Variants in ZNF608 observed in about 807,000 individuals in gnomAD.
The protein encoded by ZNF608 is zinc finger protein 608.
Under a neutral mutation model 109.0 loss-of-function variants are expected in ZNF608, and 12 were observed. The observed-to-expected ratio is 0.11, with a 90% CI of 0.07 to 0.18. The LOEUF (loss-of-function observed/expected upper bound fraction) is 0.18, where lower values mean the gene tolerates loss of function less well. Ranked by LOEUF, ZNF608 falls within the 10% of genes least tolerant of loss-of-function variation. The pLI is 1.00. For missense variants in ZNF608, 1,707 were observed against 1,879.3 expected (o/e 0.91, Z 1.70); for synonymous variants, 732 against 717.4 (o/e 1.02, Z -0.33).
intron 3 of ZNF608, among the ~76,000 whole-genome samples, chr5:124,676,650 A>C (rs1751957098): frequency 1.3e-5 from 2 of 152,252 alleles, no homozygotes; most frequent in Admixed American, 1.3e-4. Context: ...ACCAGGAGAA[A>C]GTGTGTGAAA....
chr5:124,708,988 A>G (rs112813776), intron 2 of ZNF608, among the ~76,000 whole-genome samples: 5,480 of 152,132 alleles, frequency 0.036, 257 homozygotes, highest in African/African-American at 0.11. Flanking sequence ...CCTGACCAAC[A>G]TGGAAAAACC....
At chr5:124,685,011 A>T (rs1220922584) in intron 3 of ZNF608, among the ~76,000 whole-genome samples, 1 of 152,244 alleles carries the variant, frequency 6.6e-6, no homozygotes, top group Non-Finnish European at 1.5e-5. Flanking sequence ...TTATACAATC[A>T]TGCCCTTTCA....
chr5:124,637,704 C>CGT lies in ZNF608; in HGVS notation c.*194_*195dup. The CGT allele has an allele frequency of 5.6e-6, 2 of 354,564 alleles. No individual in the cohort carries two copies. Among genetic ancestry groups the CGT allele is most frequent in the South Asian group, 3.6e-5 (1 of 27,420 alleles). The allele number at this position is 354,564 out of a possible 1,614,324, so 22.0% of individuals were successfully genotyped here. ...ATATGTATATATACAGATATGTATA[C>CGT]GTATATATATATAAAACAGAAGTTT... On this transcript the variant is annotated 3_prime_UTR_variant, in exon 10 of 10. Transcript: ENST00000513986.
At chr5:124,642,960 G>A (rs1052137423) in intron 7 of ZNF608, among the ~76,000 whole-genome samples, 3 of 152,122 alleles carry the variant, frequency 2.0e-5, no homozygotes, top group African/African-American at 4.8e-5. Context: ...GCCTCCCAAA[G>A]TGCTGGGATT....
At chr5:124,667,417 C>T (rs760561712) in intron 3 of ZNF608, among the ~76,000 whole-genome samples, 2 of 152,050 alleles carry the variant, frequency 1.3e-5, no homozygotes, top group Admixed American at 6.6e-5. Context: ...CTGTGCAAGT[C>T]CTGCACTGCA....
At chr5:124,715,313 G>A (rs1447441438) in intron 2 of ZNF608, among the ~76,000 whole-genome samples, 2 of 152,072 alleles carry the variant, frequency 1.3e-5, no homozygotes, top group Non-Finnish European at 2.9e-5. Context: ...TAGCAGGGGT[G>A]GTAAACAGGA....
At position 124,744,976 on chromosome 5, in the gene ZNF608, A is replaced by G. The variant is rs754457530; in HGVS notation, c.14T>C (p.Ile5Thr). Residue 5 changes from isoleucine (I) to threonine (T), a missense_variant, in exon 2 of 10, where the codon ATT becomes ACT. Physicochemically the swap from Ile to Thr is moderately conservative, Grantham distance 89 (BLOSUM62 -1). Coordinates refer to ENST00000513986, the MANE Select transcript of ZNF608 (RefSeq NM_020747.3). This position sits in a 1 kb window ranked among gnomAD's most constrained non-coding sequence, Gnocchi z 4.5. Reference sequence around the variant, plus strand: ...ATCCACACCTTTTCCTGCAGTAGAAATGTTCACTGACATCCTGAAGATGAG... The same window carrying G: ...ATCCACACCTTTTCCTGCAGTAGAAGTGTTCACTGACATCCTGAAGATGAG... MSVN[I>T]STAGKGVDPN... is the part of the protein sequence containing the mutation. 4 of 1,609,280 alleles carry G rather than the reference A, an allele frequency of 2.5e-6. No individual in the cohort carries two copies. The highest frequency in any genetic ancestry group is 3.4e-6 in the Non-Finnish European group (4 of 1,177,386).
chr5:124,727,810 G>C (rs1165294896), intron 2 of ZNF608, among the ~76,000 whole-genome samples: 1 of 147,570 alleles, frequency 6.8e-6, no homozygotes, highest in Non-Finnish European at 1.5e-5. Flanking sequence ...CATGACCTCG[G>C]CTCACCACAA....
rs1750123339 is a variant in ZNF608 at position 124,639,223 on chromosome 5, G to A, written c.4451-9C>T. On this transcript the variant is annotated splice_polypyrimidine_tract_variant and intron_variant, in intron 8 of 9. Coordinates refer to ENST00000513986, the MANE Select transcript of ZNF608 (RefSeq NM_020747.3). ...GGCAGCAGAGGTCAAGCCTAATGGGGAAAAAATGTAGAGTGTCTGTGATCT... is the reference window on the plus strand; with the variant it reads ...GGCAGCAGAGGTCAAGCCTAATGGGAAAAAAATGTAGAGTGTCTGTGATCT... The A allele has an allele frequency of 1.2e-6, 2 of 1,613,632 alleles. No homozygotes were observed.
intron 2 of ZNF608, among the ~76,000 whole-genome samples, chr5:124,714,551 C>T (rs1753620375): frequency 6.6e-6 from 1 of 152,192 alleles, no homozygotes; most frequent in East Asian, 1.9e-4. Flanking sequence ...CTAGTATAAT[C>T]TTGAAAATTT....
Position 124,648,850 on chromosome 5 carries a change from A to G in ZNF608, c.1534T>C (p.Ser512Pro). The G allele has an allele frequency of 1.9e-6, 3 of 1,614,002 alleles. No homozygotes were observed. The highest frequency in any genetic ancestry group is 1.1e-5 in the South Asian group (1 of 91,082). ...CCAGGCTTATTGTCCTCAGAGCTGG[A>G]GTTCAGGTCCAGCTCCATTGGAGGC... ...NKPPMELDLN[S>P]SSEDNKPGKR... is the part of the protein sequence containing the mutation. The change falls in exon 5 of 10, where the codon TCC (serine) becomes CCC (proline). Residue 512 changes from serine (S) to proline (P), a missense_variant. Physicochemically the swap from Ser to Pro is moderately conservative, Grantham distance 74. This residue lies in a region of ZNF608 where 166 missense variants were observed against 204.2 expected (regional missense o/e 0.81). Transcript: ENST00000513986.
chr5:124,695,373 A>T (rs1448397308), intron 3 of ZNF608, among the ~76,000 whole-genome samples: 1 of 152,234 alleles, frequency 6.6e-6, no homozygotes, highest in African/African-American at 2.4e-5. Context: ...TCAAAAGAAA[A>T]GTTCTATTTT....
intron 2 of ZNF608, 83 bp from the exon 3 acceptor site, chr5:124,701,352 T>G: frequency 2.0e-6 from 3 of 1,483,510 alleles, no homozygotes; most frequent in Non-Finnish European, 2.8e-6. Context: ...ACTTCTAGAA[T>G]ATATCACCAT....
intron 3 of ZNF608, among the ~76,000 whole-genome samples, chr5:124,654,378 C>T (rs1271893658): frequency 1.3e-5 from 2 of 152,192 alleles, no homozygotes; most frequent in Admixed American, 1.3e-4. Context: ...CTTCATGTCA[C>T]ATTTTTAATT....
intron 2 of ZNF608, chr5:124,734,773 C>G (rs939426911): frequency 2.6e-5 from 4 of 152,142 alleles, no homozygotes; most frequent in African/African-American, 9.7e-5. Flanking sequence ...GAACAAAAGT[C>G]TTTGTGTTTT....
At chr5:124,643,846 T>G (rs931876742) in intron 6 of ZNF608, among the ~76,000 whole-genome samples, 163 bp from the exon 7 acceptor site, 1 of 152,196 alleles carries the variant, frequency 6.6e-6, no homozygotes, top group African/African-American at 2.4e-5. Flanking sequence ...CTTCTCCAAT[T>G]TTCTTCTCCC....
chr5:124,731,498 A>G (rs1748899725), intron 2 of ZNF608, among the ~76,000 whole-genome samples: 1 of 151,358 alleles, frequency 6.6e-6, no homozygotes, highest in African/African-American at 2.4e-5. Flanking sequence ...GGCGTGAGCC[A>G]CCGCGCCCAG....
At position 124,646,687 on chromosome 5, in the gene ZNF608, A is replaced by T. The variant is rs1403307339; in HGVS notation, c.3697T>A (p.Phe1233Ile). The T allele has an allele frequency of 6.2e-7, 1 of 1,609,518 alleles. No homozygotes were observed. The highest frequency in any genetic ancestry group is 1.7e-5 in the Admixed American group (1 of 59,798). ...KQTGVDPTSR[F>I]KQDPDSRTWH... ...ACGCTCCACAATCTTACTTGTTTAA[A>T]TCTCGAGGTTGGGTCTACACCTGTC... Residue 1233 changes from phenylalanine to isoleucine, a missense_variant, in exon 5 of 10, where the codon TTT becomes ATT. By Grantham distance (21) the Phe-to-Ile change is conservative. Transcript: ENST00000513986.
At chr5:124,740,732 A>G (rs1301119201) in intron 2 of ZNF608, among the ~76,000 whole-genome samples, 1 of 152,242 alleles carries the variant, frequency 6.6e-6, no homozygotes, top group Non-Finnish European at 1.5e-5. Context: ...ATGATATTAC[A>G]GAAATAATTC....
Sources: gnomAD v4.1 joint callset for allele counts (sites outside exome capture counted in the v4.1 genomes callset) on GRCh38, gnomAD v4.1.1 for gene constraint, gnomAD v4.1.1 regional missense constraint, Gnocchi (gnomAD v3.1) non-coding constraint, MANE v1.5 for transcripts, NCBI Gene and HGNC (gene_info 2026-07-23, HGNC 2026-07-21) for gene names.